Variants in MEOX2 observed in about 807,000 individuals in gnomAD.
MEOX2 encodes the protein mesenchyme homeobox 2.
Under a neutral mutation model 27.0 loss-of-function variants are expected in MEOX2, and 11 were observed. The ratio of observed to expected loss-of-function variants is 0.41; its 90% CI spans 0.26 to 0.68. The LOEUF (loss-of-function observed/expected upper bound fraction) is 0.68. Among genes scored for constraint, MEOX2 ranks in the 30% least tolerant of loss-of-function variants. The probability of loss-of-function intolerance (pLI) is 0.33; values close to 1 mark genes in which losing one functional copy is unlikely to be tolerated. For missense variants in MEOX2, 436 were observed against 385.4 expected, an observed-to-expected ratio of 1.13 and a Z score of -1.10; for synonymous variants, 189 against 155.4, an observed-to-expected ratio of 1.22 and a Z score of -1.61.
In MEOX2 at chr7:15,686,492, A is replaced by ATT. The variant is rs33970897; in HGVS notation, c.-92_-91dup. The ATT allele has an allele frequency of 0.44, 447,814 of 1,023,986 alleles. 53,577 individuals carry two copies. Among genetic ancestry groups the ATT allele is most frequent in the East Asian group, 0.53 (19,127 of 35,758 alleles). The allele number at this position is 1,023,986 out of a possible 1,614,324, so 63.4% of individuals were successfully genotyped here. On this transcript the variant is annotated 5_prime_UTR_variant, in exon 1 of 3. Transcript: ENST00000262041. Reference sequence around the variant, plus strand: ...TCACTTTTTCACTGGAAACCGTGTGATTTTTTTTTTAACCTCCCAAAGCAA... The same window carrying ATT: ...TCACTTTTTCACTGGAAACCGTGTGATTTTTTTTTTTTAACCTCCCAAAGCAA...
chr7:15,683,017 A>T (rs1782317358), intron 1 of MEOX2, among the ~76,000 whole-genome samples: 2 of 152,030 alleles, frequency 1.3e-5, no homozygotes, highest in African/African-American at 4.8e-5. Context: ...TGCTTCCAAA[A>T]CATGAAGCTG....
At chr7:15,630,544 T>G (rs1386765355) in intron 1 of MEOX2, among the ~76,000 whole-genome samples, 2 of 152,032 alleles carry the variant, frequency 1.3e-5, no homozygotes, top group Admixed American at 1.3e-4. Flanking sequence ...AATATCAAAA[T>G]GGAATGGAAT....
chr7:15,654,234 A>G (rs1781785705), intron 1 of MEOX2, among the ~76,000 whole-genome samples: 1 of 151,898 alleles, frequency 6.6e-6, no homozygotes, highest in Admixed American at 6.6e-5. Flanking sequence ...AAAATTATGT[A>G]ATTTTTGTAT....
At chr7:15,613,834 G>T (rs1338957420) in intron 2 of MEOX2, among the ~76,000 whole-genome samples, 2 of 151,754 alleles carry the variant, frequency 1.3e-5, no homozygotes, top group Non-Finnish European at 2.9e-5. Flanking sequence ...TACCATCCAT[G>T]GATATTTGAA....
At chr7:15,619,343 G>C (rs1040802846) in intron 2 of MEOX2, among the ~76,000 whole-genome samples, 18 of 151,954 alleles carry the variant, frequency 1.2e-4, no homozygotes, top group Non-Finnish European at 2.5e-4. Context: ...TACACTCTAA[G>C]TGATGATGCT....
At chr7:15,664,334 C>T (rs1280778384) in intron 1 of MEOX2, among the ~76,000 whole-genome samples, 2 of 152,006 alleles carry the variant, frequency 1.3e-5, no homozygotes, top group Non-Finnish European at 2.9e-5. Flanking sequence ...TTCTCTTTTT[C>T]TTACATCTTA....
rs1422660119 is a variant in MEOX2 at position 15,626,835 on chromosome 7, C to G, written c.601G>C (p.Glu201Gln). 1.9e-6 allele frequency: 3 copies of G among 1,611,196 alleles called. No individual in the cohort carries two copies. Among genetic ancestry groups the G allele is most frequent in the Non-Finnish European group, 2.5e-6 (3 of 1,179,084 alleles). The change falls in exon 2 of 3, where the codon GAA (glutamate) becomes CAA (glutamine). Residue 201 changes from glutamate to glutamine, a missense_variant. Coordinates refer to ENST00000262041, the MANE Select transcript of MEOX2 (RefSeq NM_005924.5). Reference sequence around the variant, plus strand: ...TGATGGGCAAATTCTGCTTCAAGTTCTCTGATTTGCTCTTTGGTAAATGCT... The same window carrying G: ...TGATGGGCAAATTCTGCTTCAAGTTGTCTGATTTGCTCTTTGGTAAATGCT... ...RTAFTKEQIRELEAEFAHHNY... is the reference protein window; with the variant it reads ...RTAFTKEQIRQLEAEFAHHNY...
At position 15,612,309 on chromosome 7, in the gene MEOX2, T is replaced by C; in HGVS notation, c.*78A>G. The C allele has an allele frequency of 9.0e-7, 1 of 1,113,564 alleles. No individual in the cohort carries two copies. Among genetic ancestry groups the C allele is most frequent in the Non-Finnish European group, 1.4e-6 (1 of 730,844 alleles). The allele number at this position is 1,113,564 out of a possible 1,614,324, so 69.0% of individuals were successfully genotyped here. A position where few individuals can be genotyped will look rare whatever the true frequency, so the allele number is the denominator to read the frequency against. ...TAAACATCACTGCCATAGTCATCTC[T>C]CTGTGTAAACGATATTTGGGTAAGG... On this transcript the variant is annotated 3_prime_UTR_variant, in exon 3 of 3. Coordinates refer to ENST00000262041, the MANE Select transcript of MEOX2 (RefSeq NM_005924.5).
intron 1 of MEOX2, among the ~76,000 whole-genome samples, chr7:15,634,198 C>T (rs1164412659): frequency 6.6e-6 from 1 of 151,884 alleles, no homozygotes; most frequent in African/African-American, 2.4e-5. Flanking sequence ...TAGTTCTGAA[C>T]CTCAGCACTA....
At chr7:15,628,273 T>C (rs1466389991) in intron 1 of MEOX2, among the ~76,000 whole-genome samples, 1 of 152,066 alleles carries the variant, frequency 6.6e-6, no homozygotes, top group African/African-American at 2.4e-5. Flanking sequence ...CCCTGCATAA[T>C]GGAAATTCAC....
At chr7:15,632,509 C>G (rs965090410) in intron 1 of MEOX2, among the ~76,000 whole-genome samples, 4 of 151,586 alleles carry the variant, frequency 2.6e-5, no homozygotes, top group African/African-American at 7.3e-5. Flanking sequence ...TCACAAAGAA[C>G]TAAAAATGGT....
chr7:15,654,147 A>T (rs934565438), intron 1 of MEOX2, among the ~76,000 whole-genome samples: 1 of 151,922 alleles, frequency 6.6e-6, no homozygotes, highest in African/African-American at 2.4e-5. Flanking sequence ...TACCTAAGAT[A>T]TTTCTGGTTG....
intron 1 of MEOX2, among the ~76,000 whole-genome samples, chr7:15,678,235 T>C (rs963075021): frequency 6.6e-6 from 1 of 152,198 alleles, no homozygotes; most frequent in Non-Finnish European, 1.5e-5. Context: ...TTTTAATTGT[T>C]AAAGGCACTA....
At chr7:15,635,288 C>T (rs1177507538) in intron 1 of MEOX2, among the ~76,000 whole-genome samples, 2 of 151,952 alleles carry the variant, frequency 1.3e-5, no homozygotes, top group African/African-American at 4.8e-5. Flanking sequence ...CCTGAAATAT[C>T]CTTTACCTAC....
At chr7:15,634,526 C>T (rs374683853) in intron 1 of MEOX2, among the ~76,000 whole-genome samples, 1 of 151,986 alleles carries the variant, frequency 6.6e-6, no homozygotes, top group Non-Finnish European at 1.5e-5. Context: ...CTAATTCAAC[C>T]AGATATCTGT....
chr7:15,673,815 C>T (rs1583789837), intron 1 of MEOX2, among the ~76,000 whole-genome samples: 1 of 152,002 alleles, frequency 6.6e-6, no homozygotes, highest in East Asian at 1.9e-4. Context: ...GTGGAAAATC[C>T]TGTAGAAAAC....
At chr7:15,671,868 C>A (rs539313168) in intron 1 of MEOX2, among the ~76,000 whole-genome samples, 2 of 152,052 alleles carry the variant, frequency 1.3e-5, no homozygotes, top group East Asian at 3.9e-4. Context: ...ACCAGCCTGG[C>A]CAATATGGTC....
chr7:15,683,785 C>T (rs1782331194), intron 1 of MEOX2, among the ~76,000 whole-genome samples: 1 of 152,120 alleles, frequency 6.6e-6, no homozygotes, highest in Admixed American at 6.5e-5. Flanking sequence ...AAGAAAAGCT[C>T]ATTCTAAATC....
intron 1 of MEOX2, among the ~76,000 whole-genome samples, chr7:15,685,643 A>G (rs1238341544): frequency 1.3e-5 from 2 of 152,186 alleles, no homozygotes; most frequent in African/African-American, 4.8e-5. Flanking sequence ...CTTCTGGTAA[A>G]CTAGTTTAGG....
Sources: gnomAD v4.1 joint callset for allele counts (sites outside exome capture counted in the v4.1 genomes callset) on GRCh38, gnomAD v4.1.1 for gene constraint, MANE v1.5 for transcripts, NCBI Gene and HGNC (gene_info 2026-07-23, HGNC 2026-07-21) for gene names.